CATSPERZ: variants seen among roughly 807,000 people sequenced by gnomAD.
The protein encoded by CATSPERZ is cation channel sperm-associated auxiliary subunit zeta.
In CATSPERZ, 21 loss-of-function variants were observed where a neutral mutation model predicts 21.7. The ratio of observed to expected loss-of-function variants is 0.97; its 90% CI spans 0.69 to 1.39. The LOEUF (loss-of-function observed/expected upper bound fraction) is 1.39. Among genes scored for constraint, CATSPERZ ranks in the 40% most tolerant of loss-of-function variants. The pLI is 0.00. For synonymous variants in CATSPERZ, 127 were observed against 108.7 expected (o/e 1.17, Z -1.05); for missense variants, 234 against 259.5 (o/e 0.90, Z 0.68).
At chr11:64,301,392 C>T (rs1429601639) in intron 2 of CATSPERZ, among the ~76,000 whole-genome samples, 1 of 148,122 alleles carries the variant, frequency 6.8e-6, no homozygotes. Context: ...GTGATCCTCC[C>T]GCCTCCCACT....
At position 64,300,986 on chromosome 11, in the gene CATSPERZ, C is replaced by A. The variant is rs898641374; in HGVS notation, c.351C>A (p.Ala117=). ...GEKDTASQIE[A]EKSSSMSSLN... ...AGGACACTGCATCCCAGATCGAGGC[C>A]GGTCAGTGTGGCCTCGCCAGGCCGT... The change falls in exon 2 of 5, where the codon GCC becomes GCA. Residue 117 remains alanine (A), a splice_region_variant and synonymous_variant. Coordinates refer to ENST00000328404, the MANE Select transcript of CATSPERZ (RefSeq NM_001039496.2). 1.3e-6 allele frequency: 2 copies of A among 1,536,358 alleles called. No individual in the cohort carries two copies. Among genetic ancestry groups the A allele is most frequent in the East Asian group, 4.8e-5 (2 of 41,446 alleles).
At chr11:64,300,569 C>T in intron 1 of CATSPERZ, 88 bp from the exon 2 acceptor site, 1 of 1,509,256 alleles carries the variant, frequency 6.6e-7, no homozygotes. Flanking sequence ...GGATCCCCAA[C>T]CCGGCCCGGC....
chr11:64,304,366 C>G (rs2034980506), intron 4 of CATSPERZ, among the ~76,000 whole-genome samples, 177 bp from the exon 5 acceptor site: 1 of 152,176 alleles, frequency 6.6e-6, no homozygotes, highest in South Asian at 2.1e-4. Context: ...CATCCTCCAC[C>G]TTAACACTCA....
At chr11:64,304,470 A>T in intron 4 of CATSPERZ, 73 bp from the exon 5 acceptor site, 2 of 1,185,896 alleles carry the variant, frequency 1.7e-6, no homozygotes, top group Non-Finnish European at 2.4e-6. Context: ...CTCGAATCAC[A>T]CATGCGGCGC....
At chr11:64,304,135 G>C (rs1461620293) in intron 4 of CATSPERZ, among the ~76,000 whole-genome samples, 3 of 152,194 alleles carry the variant, frequency 2.0e-5, no homozygotes, top group Admixed American at 2.0e-4. Context: ...TGGGATGACC[G>C]CCTTGGTGTG....
intron 2 of CATSPERZ, among the ~76,000 whole-genome samples, chr11:64,302,142 T>C (rs1355227886): frequency 6.6e-6 from 1 of 152,214 alleles, no homozygotes; most frequent in Non-Finnish European, 1.5e-5. Context: ...AACTACTTCA[T>C]CAGAGAGTAA....
intron 2 of CATSPERZ, 138 bp downstream of exon 2, chr11:64,301,125 A>T (rs566385281): frequency 1.1e-6 from 1 of 900,560 alleles, no homozygotes; most frequent in South Asian, 1.9e-5. Flanking sequence ...GCCCGCGCCA[A>T]TCTTTCGCCC....
At chr11:64,302,886 C>CTTTTTTTTTTTTT (rs71045759) in intron 2 of CATSPERZ, among the ~76,000 whole-genome samples, 1 of 122,460 alleles carries the variant, frequency 8.2e-6, no homozygotes, top group Non-Finnish European at 1.7e-5. Context: ...AAGAGCTGTT[C>CTTTTTTTTTTTTT]TTTTTTTTTT....
At chr11:64,302,572 C>T (rs543460408) in intron 2 of CATSPERZ, among the ~76,000 whole-genome samples, 3 of 147,364 alleles carry the variant, frequency 2.0e-5, no homozygotes, top group East Asian at 2.1e-4. Context: ...GAGCCAACCG[C>T]GCTCGGCTAT....
intron 2 of CATSPERZ, 31 bp downstream of exon 2, chr11:64,301,018 C>T: frequency 6.7e-7 from 1 of 1,486,036 alleles, no homozygotes; most frequent in Non-Finnish European, 9.0e-7. Flanking sequence ...CCGTGGGCAC[C>T]CGCAGGGCAA....
At chr11:64,301,210 CAG>C (rs2034919865) in intron 2 of CATSPERZ, among the ~76,000 whole-genome samples, 1 of 152,232 alleles carries the variant, frequency 6.6e-6, no homozygotes, top group South Asian at 2.1e-4. Flanking sequence ...TCGTGACGCG[CAG>C]AGTCCGGGGA....
rs1297124293 is a variant in CATSPERZ, at chr11:64,304,691, C to G, written c.*45C>G. ...AGCAGCGACCCGAACCAGCCCCGTG[C>G]CAGCCCGGTCCCCAGACCCAAGCCT... On this transcript the variant is annotated 3_prime_UTR_variant, in exon 5 of 5. Coordinates refer to ENST00000328404, the MANE Select transcript of CATSPERZ (RefSeq NM_001039496.2). 4.0e-6 allele frequency: 6 copies of G among 1,505,034 alleles called. No homozygotes were observed. In the Admixed American group the frequency reaches 1.2e-4, roughly 30 times the overall value. 93.2% of individuals were successfully genotyped at this position (1,505,034 alleles called of 1,614,324 possible).
Position 64,304,404 on chromosome 11 carries a change from G to A in CATSPERZ, c.500-139G>A, listed in dbSNP as rs976979972. On this transcript the variant is annotated intron_variant, in intron 4 of 4. Coordinates refer to ENST00000328404, the MANE Select transcript of CATSPERZ (RefSeq NM_001039496.2). The stretch of plus-strand genomic sequence containing the variant: ...ACCCTTAGAGATGCAAAGTTCCCCA[G>A]GCTAACACAGACCTGAGTGCCCTGC... 5 of 640,942 alleles carry A rather than the reference G, an allele frequency of 7.8e-6. No homozygotes were observed. In the East Asian group the frequency reaches 1.1e-4, roughly 14 times the overall value. The allele number at this position is 640,942 out of a possible 1,614,324, so 39.7% of individuals were successfully genotyped here. A position where few individuals can be genotyped will look rare whatever the true frequency, so the allele number is the denominator to read the frequency against.
At chr11:64,302,577 G>A (rs1027009149) in intron 2 of CATSPERZ, among the ~76,000 whole-genome samples, 7 of 147,262 alleles carry the variant, frequency 4.8e-5, no homozygotes, top group Non-Finnish European at 1.0e-4. Context: ...AACCGCGCTC[G>A]GCTATTTATT....
intron 2 of CATSPERZ, among the ~76,000 whole-genome samples, chr11:64,302,844 T>C (rs537704855): frequency 5.3e-5 from 8 of 152,102 alleles, no homozygotes; most frequent in African/African-American, 1.9e-4. Context: ...GTGCCTGGAT[T>C]ACAGGCGTGA....
In CATSPERZ at chr11:64,304,632, C is replaced by A. The variant is rs2034987784; in HGVS notation, c.589C>A (p.Leu197Met). Residue 197 changes from leucine (L) to methionine (M), a missense_variant, in exon 5 of 5, where the codon CTG (leucine) becomes ATG (methionine). Leu to Met is a conservative substitution (Grantham distance 15). Coordinates refer to ENST00000328404, the MANE Select transcript of CATSPERZ (RefSeq NM_001039496.2). Reference sequence around the variant, plus strand: ...GCTCAAGAAGCGCCGGAGCAAGAGGCTGTACGTGAATTAAAAACGCCACCT... The same window carrying A: ...GCTCAAGAAGCGCCGGAGCAAGAGGATGTACGTGAATTAAAAACGCCACCT... ...EGLKKRRSKR[L>M]YVN 2 of 1,572,522 alleles carry A rather than the reference C, an allele frequency of 1.3e-6. No individual in the cohort carries two copies. The highest frequency in any genetic ancestry group is 1.7e-4 in the Middle Eastern group (1 of 6,002).
intron 3 of CATSPERZ, 41 bp downstream of exon 3, chr11:64,303,602 G>A: frequency 1.3e-6 from 2 of 1,590,038 alleles, no homozygotes; most frequent in South Asian, 2.2e-5. Flanking sequence ...GGTGGGGTAG[G>A]GGATAGGCAA....
intron 2 of CATSPERZ, among the ~76,000 whole-genome samples, chr11:64,302,804 C>T (rs1168156549): frequency 6.6e-6 from 1 of 151,666 alleles, no homozygotes; most frequent in Non-Finnish European, 1.5e-5. Flanking sequence ...AACTCCTGAT[C>T]TTGTGATCTG....
At chr11:64,304,291 G>C (rs2034979284) in intron 4 of CATSPERZ, among the ~76,000 whole-genome samples, 1 of 152,108 alleles carries the variant, frequency 6.6e-6, no homozygotes, top group African/African-American at 2.4e-5. Flanking sequence ...CAGAAGGTGG[G>C]CAAACTGCTC....
Sources: allele counts gnomAD v4.1 joint callset (sites outside exome capture counted in the v4.1 genomes callset), GRCh38; gene constraint gnomAD v4.1.1; transcripts MANE v1.5; gene names NCBI Gene and HGNC (gene_info 2026-07-23, HGNC 2026-07-21).